The following MEF2A variants were observed in gnomAD, a reference collection of about 807,000 sequenced individuals.
The protein encoded by MEF2A is myocyte-specific enhancer factor 2A.
A neutral mutation model predicts 55.8 loss-of-function variants in MEF2A; 28 were observed. The observed-to-expected ratio is 0.50, with a 90% CI of 0.37 to 0.69. The LOEUF (loss-of-function observed/expected upper bound fraction) is 0.69. Among genes scored for constraint, MEF2A ranks in the 30% least tolerant of loss-of-function variants. MEF2A has a pLI of 0.00. For missense variants in MEF2A, 528 were observed against 626.2 expected, an observed-to-expected ratio of 0.84 and a Z score of 1.67; for synonymous variants, 239 against 227.1, an observed-to-expected ratio of 1.05 and a Z score of -0.47.
intron 4 of MEF2A, among the ~76,000 whole-genome samples, chr15:99,661,095 T>A (rs1178176548): frequency 1.1e-4 from 17 of 152,134 alleles, no homozygotes; most frequent in Non-Finnish European, 1.8e-4. Context: ...CCATGCATAT[T>A]TAGATACTTA....
intron 1 of MEF2A, among the ~76,000 whole-genome samples, chr15:99,580,407 A>C (rs1312426177): frequency 1.3e-5 from 2 of 152,144 alleles, no homozygotes; most frequent in Non-Finnish European, 2.9e-5. Context: ...CTTTACTTTG[A>C]GAGGGGTGAG....
At chr15:99,604,072 A>C (rs1350117483) in intron 2 of MEF2A, among the ~76,000 whole-genome samples, 1 of 152,066 alleles carries the variant, frequency 6.6e-6, no homozygotes, top group African/African-American at 2.4e-5. Context: ...CCAGTATGTA[A>C]GTTTTCTATT....
intron 3 of MEF2A, among the ~76,000 whole-genome samples, chr15:99,643,846 C>T (rs867958684): frequency 6.6e-6 from 1 of 152,166 alleles, no homozygotes; most frequent in Admixed American, 6.5e-5. Context: ...CTGCCTCAGC[C>T]TCCCAAAGTG....
intron 2 of MEF2A, among the ~76,000 whole-genome samples, chr15:99,603,408 T>C (rs1336908256): frequency 1.3e-5 from 2 of 151,792 alleles, no homozygotes; most frequent in Non-Finnish European, 2.9e-5. Flanking sequence ...AGTCTCACTC[T>C]GTTACCAAGG....
chr15:99,690,536 T>C, intron 8 of MEF2A, 108 bp downstream of exon 8: 1 of 910,150 alleles, frequency 1.1e-6, no homozygotes, highest in Non-Finnish European at 1.8e-6. Flanking sequence ...TCTACACCTA[T>C]TCCTAATAAA....
intron 1 of MEF2A, among the ~76,000 whole-genome samples, chr15:99,583,475 G>A (rs1966520509): frequency 1.3e-5 from 2 of 152,084 alleles, no homozygotes; most frequent in African/African-American, 4.8e-5. Flanking sequence ...ATTTTAAAGT[G>A]TTCCTATTTT....
chr15:99,628,505 CCTT>C (rs889059239), intron 2 of MEF2A, among the ~76,000 whole-genome samples: 1 of 152,032 alleles, frequency 6.6e-6, no homozygotes, highest in African/African-American at 2.4e-5. Context: ...TCCTTTCTTG[CCTT>C]CTTTTGGGTT....
At chr15:99,659,320 A>G (rs891802700) in intron 4 of MEF2A, among the ~76,000 whole-genome samples, 2 of 152,136 alleles carry the variant, frequency 1.3e-5, no homozygotes, top group African/African-American at 2.4e-5. Flanking sequence ...GATTTTTACC[A>G]TCAAACCTAG....
At chr15:99,635,764 G>A (rs911465163) in intron 3 of MEF2A, among the ~76,000 whole-genome samples, 6 of 152,098 alleles carry the variant, frequency 3.9e-5, no homozygotes, top group African/African-American at 1.4e-4. Flanking sequence ...AGTATATCTT[G>A]TACATTTTCA....
At chr15:99,675,331 C>A in intron 6 of MEF2A, 68 bp from the exon 7 acceptor site, 1 of 1,307,712 alleles carries the variant, frequency 7.6e-7, no homozygotes, top group South Asian at 1.2e-5. Context: ...AGTTCACGTT[C>A]AGTTAGGTAA....
At chr15:99,607,838 G>A (rs1012533765) in intron 2 of MEF2A, among the ~76,000 whole-genome samples, 2 of 152,110 alleles carry the variant, frequency 1.3e-5, no homozygotes, top group African/African-American at 4.8e-5. Flanking sequence ...CTCTTAACAG[G>A]GCAGTTTACA....
chr15:99,642,742 T>TG (rs2045259147), intron 3 of MEF2A, among the ~76,000 whole-genome samples: 3 of 152,238 alleles, frequency 2.0e-5, no homozygotes, highest in Admixed American at 2.0e-4. Flanking sequence ...TTCTGATACT[T>TG]GTGAATCTTG....
intron 3 of MEF2A, among the ~76,000 whole-genome samples, chr15:99,642,137 T>G (rs2045119453): frequency 6.6e-6 from 1 of 152,204 alleles, no homozygotes; most frequent in African/African-American, 2.4e-5. Context: ...GTTCTAGGTA[T>G]AGGCCCTATT....
chr15:99,633,940 A>T (rs1197518034), intron 3 of MEF2A, among the ~76,000 whole-genome samples: 1 of 152,266 alleles, frequency 6.6e-6, no homozygotes, highest in African/African-American at 2.4e-5. Context: ...CCCAGAAACT[A>T]TATGGTCCAT....
chr15:99,626,535 A>G (rs2042081880), intron 2 of MEF2A, among the ~76,000 whole-genome samples: 1 of 152,018 alleles, frequency 6.6e-6, no homozygotes, highest in South Asian at 2.1e-4. Context: ...TTGGGGGAAA[A>G]TCACAGCATC....
intron 1 of MEF2A, among the ~76,000 whole-genome samples, chr15:99,577,262 A>G (rs1964591956): frequency 1.3e-5 from 2 of 152,226 alleles, no homozygotes; most frequent in South Asian, 4.1e-4. Flanking sequence ...AATTCTTTGT[A>G]ACTATTGTGT....
chr15:99,690,733 A>G (rs986392856), intron 8 of MEF2A: 6 of 477,054 alleles, frequency 1.3e-5, no homozygotes, highest in Non-Finnish European at 2.4e-5. Flanking sequence ...GGTCTCACTC[A>G]TGTGGGACCT....
chr15:99,670,614 A>G (rs1241820338), intron 4 of MEF2A, among the ~76,000 whole-genome samples: 1 of 152,170 alleles, frequency 6.6e-6, no homozygotes, highest in African/African-American at 2.4e-5. Flanking sequence ...CGTCTCAAAA[A>G]AGAAAAAAAA....
intron 7 of MEF2A, among the ~76,000 whole-genome samples, chr15:99,680,895 C>T (rs577916208): frequency 1.3e-5 from 2 of 152,198 alleles, no homozygotes; most frequent in South Asian, 2.1e-4. Context: ...TTATTTATTA[C>T]TTATAACTTG....
Sources: gnomAD v4.1 joint callset for allele counts (sites outside exome capture counted in the v4.1 genomes callset) on GRCh38, gnomAD v4.1.1 for gene constraint, MANE v1.5 for transcripts, NCBI Gene and HGNC (gene_info 2026-07-23, HGNC 2026-07-21) for gene names.